NFATC2: variants seen among roughly 807,000 people sequenced by gnomAD.
The protein encoded by NFATC2 is nuclear factor of activated T cells 2.
Under a neutral mutation model 87.3 loss-of-function variants are expected in NFATC2, and 22 were observed. The observed-to-expected ratio is 0.25, with a 90% CI of 0.18 to 0.36. NFATC2 has a LOEUF of 0.36. Among genes scored for constraint, NFATC2 ranks in the 10% least tolerant of loss-of-function variants. The pLI is 1.00. For missense variants in NFATC2, 1,149 were observed against 1,259.1 expected, an observed-to-expected ratio of 0.91 and a Z score of 1.32; for synonymous variants, 565 against 542.2, an observed-to-expected ratio of 1.04 and a Z score of -0.58.
chr20:51,414,173 T>G (rs1979690295), intron 9 of NFATC2, among the ~76,000 whole-genome samples: 1 of 82,892 alleles, frequency 1.2e-5, no homozygotes. Context: ...GGGCTTCCCA[T>G]GTGCAAAGCC....
At chr20:51,401,386 T>TATTA (rs1426578739) in intron 9 of NFATC2, among the ~76,000 whole-genome samples, 1 of 152,056 alleles carries the variant, frequency 6.6e-6, no homozygotes, top group Non-Finnish European at 1.5e-5. Context: ...GGCATGTGTT[T>TATTA]ATTAAGCCCA....
At chr20:51,534,275 G>A (rs576890161) in intron 1 of NFATC2, among the ~76,000 whole-genome samples, 2 of 152,136 alleles carry the variant, frequency 1.3e-5, no homozygotes, top group Non-Finnish European at 2.9e-5. Flanking sequence ...CAGTGCACAG[G>A]GGGAAGGGCT....
chr20:51,511,870 G>A (rs1250949913), intron 3 of NFATC2, among the ~76,000 whole-genome samples: 1 of 152,186 alleles, frequency 6.6e-6, no homozygotes, highest in Non-Finnish European at 1.5e-5. Context: ...AACGTATCAT[G>A]TCTTCCCCTT....
intron 1 of NFATC2, among the ~76,000 whole-genome samples, chr20:51,531,236 C>T (rs780858709): frequency 4.6e-5 from 7 of 152,230 alleles, no homozygotes; most frequent in Non-Finnish European, 7.3e-5. Context: ...AGGAGGCCTG[C>T]GCACAGCAGA....
chr20:51,562,630 C>T (rs758631067), upstream of NFATC2: 2 of 1,550,886 alleles, frequency 1.3e-6, no homozygotes. The surrounding 1 kb of genome is among the most constrained non-coding windows in gnomAD (Gnocchi z 5.8). Flanking sequence ...CTCTCTGCAT[C>T]TGGAGGGCAC....
intron 6 of NFATC2, among the ~76,000 whole-genome samples, chr20:51,447,229 G>A (rs929684250): frequency 1.1e-4 from 16 of 152,120 alleles, no homozygotes; most frequent in African/African-American, 3.6e-4. Context: ...CACCACCCAC[G>A]CGTCCTTTCT....
chr20:51,541,396 C>T (rs1046466349), intron 1 of NFATC2, among the ~76,000 whole-genome samples: 1 of 152,180 alleles, frequency 6.6e-6, no homozygotes, highest in African/African-American at 2.4e-5. Context: ...TCCAAGACAA[C>T]CTGCTAACCA....
intron 10 of NFATC2, among the ~76,000 whole-genome samples, chr20:51,397,047 A>G (rs1016935740): frequency 1.2e-5 from 1 of 81,914 alleles, no homozygotes; most frequent in African/African-American, 1.2e-4. Context: ...ACCTGCCACC[A>G]TGGCCCGGCT....
At chr20:51,521,894 C>T (rs1232439490) in intron 2 of NFATC2, among the ~76,000 whole-genome samples, 1 of 152,160 alleles carries the variant, frequency 6.6e-6, no homozygotes, top group Non-Finnish European at 1.5e-5. Context: ...TCCATGGGTT[C>T]TGTGTCCTCA....
chr20:51,471,360 GA>G (rs2146500299), intron 5 of NFATC2, among the ~76,000 whole-genome samples: 1 of 152,302 alleles, frequency 6.6e-6, no homozygotes, highest in South Asian at 2.1e-4. Context: ...AACATCTTGA[GA>G]GGTTCAAAAC....
At chr20:51,429,237 G>A (rs1474408082) in intron 9 of NFATC2, among the ~76,000 whole-genome samples, 1 of 152,264 alleles carries the variant, frequency 6.6e-6, no homozygotes, top group East Asian at 1.9e-4. Context: ...TGGCTACGGT[G>A]GAGATGCAGT....
chr20:51,556,162 G>A (rs1015099282), intron 1 of NFATC2, among the ~76,000 whole-genome samples: 2 of 152,216 alleles, frequency 1.3e-5, no homozygotes, highest in Non-Finnish European at 2.9e-5. Flanking sequence ...GCCACTGGAA[G>A]CTGGGAGAGA....
intron 1 of NFATC2, among the ~76,000 whole-genome samples, chr20:51,534,070 C>T (rs566022771): frequency 1.1e-4 from 16 of 152,302 alleles, no homozygotes; most frequent in Admixed American, 9.8e-4. Context: ...GTGCCGCAAG[C>T]TTTCACGTGT....
chr20:51,445,076 G>A (rs1037206402), intron 6 of NFATC2, among the ~76,000 whole-genome samples: 2 of 151,990 alleles, frequency 1.3e-5, no homozygotes, highest in Non-Finnish European at 2.9e-5. Context: ...CAGGTGGCCA[G>A]AGCACTCAAA....
chr20:51,541,633 C>G (rs540015425), intron 1 of NFATC2, among the ~76,000 whole-genome samples: 1 of 152,304 alleles, frequency 6.6e-6, no homozygotes, highest in African/African-American at 2.4e-5. Context: ...CCTCACCCTA[C>G]CCCATCCCAC....
At chr20:51,504,294 T>C (rs2076140342) in intron 3 of NFATC2, among the ~76,000 whole-genome samples, 1 of 152,174 alleles carries the variant, frequency 6.6e-6, no homozygotes, top group African/African-American at 2.4e-5. Flanking sequence ...AGTGCTGGGA[T>C]TACAGGAATT....
chr20:51,518,495 TCTC>T (rs1166014464), intron 2 of NFATC2, among the ~76,000 whole-genome samples: 1 of 152,270 alleles, frequency 6.6e-6, no homozygotes, highest in East Asian at 1.9e-4. Flanking sequence ...TGCAAGCAAA[TCTC>T]CTCCCCTTCT....
At chr20:51,465,074 G>A (rs1440433980) in intron 5 of NFATC2, among the ~76,000 whole-genome samples, 1 of 152,206 alleles carries the variant, frequency 6.6e-6, no homozygotes, top group Admixed American at 6.5e-5. Flanking sequence ...GTGCTAGGCT[G>A]TGTGCTAAAT....
chr20:51,422,353 C>T (rs547524005), intron 9 of NFATC2, among the ~76,000 whole-genome samples: 11 of 152,288 alleles, frequency 7.2e-5, no homozygotes, highest in South Asian at 2.1e-4. Flanking sequence ...AGGACCAGAA[C>T]GGACTCCTTC....
Sources: allele counts gnomAD v4.1 joint callset (sites outside exome capture counted in the v4.1 genomes callset), GRCh38; gene constraint gnomAD v4.1.1; non-coding constraint Gnocchi (gnomAD v3.1); transcripts MANE v1.5; gene names NCBI Gene and HGNC (gene_info 2026-07-23, HGNC 2026-07-21).